Variants in SLC26A7 observed in about 807,000 individuals in gnomAD.
SLC26A7 encodes solute carrier family 26 member 7, also known as anion exchange transporter.
In SLC26A7, 59 loss-of-function variants were observed where a neutral mutation model predicts 82.5. The observed-to-expected ratio is 0.72, with a 90% CI of 0.58 to 0.89. SLC26A7 has a LOEUF of 0.89. Among genes scored for constraint, SLC26A7 ranks in the 40% least tolerant of loss-of-function variants. The pLI is 0.00. For synonymous variants in SLC26A7, 271 were observed against 274.3 expected (o/e 0.99, Z 0.12); for missense variants, 820 against 793.0 (o/e 1.03, Z -0.41).
intron 2 of SLC26A7, among the ~76,000 whole-genome samples, chr8:91,265,121 G>A (rs1811076201): frequency 1.3e-5 from 2 of 151,954 alleles, no homozygotes; most frequent in South Asian, 4.1e-4. Context: ...GATTCTGCAT[G>A]TAAGTGAGAT....
At position 91,351,835 on chromosome 8, in the gene SLC26A7, T is replaced by C. The variant is rs534992251; in HGVS notation, c.1166T>C (p.Phe389Ser). The C allele has an allele frequency of 5.0e-6, 8 of 1,612,754 alleles. No individual in the cohort carries two copies. The African/African-American group carries it at 5.3e-5, about 11-fold the overall frequency. The part of the protein sequence containing the change: ...TQVACLISCI[F>S]VLIVIYAIGP... Reference sequence around the variant, plus strand: ...GTGGCTTGTCTAATATCTTGCATTTTCGTCCTTATAGTCATCTATGCAATA... The same window carrying C: ...GTGGCTTGTCTAATATCTTGCATTTCCGTCCTTATAGTCATCTATGCAATA... Residue 389 changes from phenylalanine to serine, a missense_variant, in exon 10 of 19, where the codon TTC becomes TCC. Phe to Ser is a radical substitution (Grantham distance 155). Coordinates refer to ENST00000276609, the MANE Select transcript of SLC26A7 (RefSeq NM_052832.4).
Position 91,352,893 on chromosome 8 carries a change from A to G in SLC26A7, c.1219-8A>G, listed in dbSNP as rs1813757932. The stretch of plus-strand genomic sequence containing the variant: ...TTGCTTCTTCTTCAACTTACGTTTT[A>G]TTTCTAGTGTGTCCTTGCAAGCATT... On this transcript the variant is annotated splice_region_variant and splice_polypyrimidine_tract_variant and intron_variant, in intron 10 of 18. Coordinates refer to ENST00000276609, the MANE Select transcript of SLC26A7 (RefSeq NM_052832.4). 6.3e-7 allele frequency: 1 copy of G among 1,587,748 alleles called. No homozygotes were observed. Among genetic ancestry groups the G allele is most frequent in the Non-Finnish European group, 8.6e-7 (1 of 1,167,880 alleles).
chr8:91,307,469 A>G (rs1812345531), intron 4 of SLC26A7, among the ~76,000 whole-genome samples: 1 of 145,516 alleles, frequency 6.9e-6, no homozygotes, highest in South Asian at 2.2e-4. Flanking sequence ...CTATGCAGCC[A>G]TAAAAAATGA....
chr8:91,301,993 A>C (rs1812179740), intron 4 of SLC26A7, among the ~76,000 whole-genome samples: 1 of 152,052 alleles, frequency 6.6e-6, no homozygotes, highest in South Asian at 2.1e-4. Context: ...TTTTAATTTT[A>C]GGTGGGTGAG....
chr8:91,342,817 G>T (rs1813456692), intron 8 of SLC26A7, among the ~76,000 whole-genome samples: 1 of 152,158 alleles, frequency 6.6e-6, no homozygotes, highest in African/African-American at 2.4e-5. Flanking sequence ...ATAGAGAAGA[G>T]AAGCAGTCCT....
intron 15 of SLC26A7, among the ~76,000 whole-genome samples, chr8:91,388,110 C>CT (rs1274199420): frequency 2.0e-5 from 3 of 152,136 alleles, no homozygotes; most frequent in Admixed American, 1.3e-4. Flanking sequence ...TATTTTACTG[C>CT]TTTTTTTAAA....
At chr8:91,355,205 A>G (rs986444446) in intron 11 of SLC26A7, among the ~76,000 whole-genome samples, 8 of 152,156 alleles carry the variant, frequency 5.3e-5, no homozygotes, top group Admixed American at 1.3e-4. Flanking sequence ...TGGATGCTCA[A>G]TGAAGTTTTT....
intron 15 of SLC26A7, among the ~76,000 whole-genome samples, chr8:91,376,512 T>C (rs2130888607): frequency 6.6e-6 from 1 of 152,322 alleles, no homozygotes. Context: ...TGTGGACAGC[T>C]TCTGTGCACT....
intron 2 of SLC26A7, among the ~76,000 whole-genome samples, chr8:91,250,349 C>T (rs1451437305): frequency 1.3e-5 from 2 of 152,056 alleles, no homozygotes; most frequent in Admixed American, 6.6e-5. Context: ...TCCTGTGTGT[C>T]CTGAGAGCTT....
upstream of SLC26A7, among the ~76,000 whole-genome samples, chr8:91,245,874 C>A (rs1810538302): frequency 6.6e-6 from 1 of 152,192 alleles, no homozygotes; most frequent in African/African-American, 2.4e-5. Flanking sequence ...CACATGCCAA[C>A]CCTCTACAAA....
chr8:91,376,231 C>T (rs896000632), intron 15 of SLC26A7, among the ~76,000 whole-genome samples: 5 of 152,090 alleles, frequency 3.3e-5, no homozygotes, highest in African/African-American at 1.2e-4. Context: ...TCTGACTTTT[C>T]CTTTTGGTTA....
chr8:91,256,009 A>C (rs1037664505), intron 2 of SLC26A7, among the ~76,000 whole-genome samples: 1 of 152,106 alleles, frequency 6.6e-6, no homozygotes, highest in African/African-American at 2.4e-5. Flanking sequence ...CCCCTGTTCC[A>C]TATATAGTAC....
At chr8:91,261,137 G>C (rs948633792) in intron 2 of SLC26A7, among the ~76,000 whole-genome samples, 2 of 152,060 alleles carry the variant, frequency 1.3e-5, no homozygotes, top group African/African-American at 4.8e-5. Flanking sequence ...TCTTGGAAGT[G>C]CTTACCACCA....
intron 11 of SLC26A7, among the ~76,000 whole-genome samples, chr8:91,361,152 C>T (rs1814039315): frequency 6.6e-6 from 1 of 152,044 alleles, no homozygotes; most frequent in Non-Finnish European, 1.5e-5. Flanking sequence ...ATAAAATTCC[C>T]TCCATTTGCT....
chr8:91,310,489 T>G (rs1209108413), intron 4 of SLC26A7, among the ~76,000 whole-genome samples: 1 of 151,958 alleles, frequency 6.6e-6, no homozygotes, highest in Non-Finnish European at 1.5e-5. Flanking sequence ...ATCTGGAGCT[T>G]GATGGCCTGA....
chr8:91,329,480 A>G (rs1813020043), intron 5 of SLC26A7, among the ~76,000 whole-genome samples: 1 of 152,144 alleles, frequency 6.6e-6, no homozygotes, highest in Non-Finnish European at 1.5e-5. Context: ...AATGAGCTAT[A>G]GTTTAATCCA....
At chr8:91,300,684 A>G (rs1812142928) in intron 4 of SLC26A7, among the ~76,000 whole-genome samples, 1 of 152,228 alleles carries the variant, frequency 6.6e-6, no homozygotes, top group African/African-American at 2.4e-5. Context: ...GGCGTGAGCC[A>G]CCGCGCCCGG....
At chr8:91,327,574 C>G (rs912170772) in intron 5 of SLC26A7, among the ~76,000 whole-genome samples, 3 of 152,080 alleles carry the variant, frequency 2.0e-5, no homozygotes, top group African/African-American at 7.2e-5. Flanking sequence ...TGGTAGCTGG[C>G]ATATATGGAT....
chr8:91,336,084 C>G (rs1813233157), intron 6 of SLC26A7, among the ~76,000 whole-genome samples: 1 of 152,166 alleles, frequency 6.6e-6, no homozygotes, highest in South Asian at 2.1e-4. Flanking sequence ...AGAAGGTGCC[C>G]TGCAAGCAGG....
Sources: allele counts gnomAD v4.1 joint callset (sites outside exome capture counted in the v4.1 genomes callset), GRCh38; gene constraint gnomAD v4.1.1; transcripts MANE v1.5; gene names NCBI Gene and HGNC (gene_info 2026-07-23, HGNC 2026-07-21).